The following ITIH5 variants were observed in gnomAD, a reference collection of about 807,000 sequenced individuals.
ITIH5 encodes the protein inter-alpha-trypsin inhibitor heavy chain 5.
ITIH5 carries 65 observed loss-of-function variants against 77.5 expected under a neutral mutation model. That is an observed-to-expected ratio of 0.84 (90% CI 0.69 to 1.03). ITIH5 has a LOEUF of 1.03. ITIH5 is among the 50% of genes least tolerant of loss of function. The probability of loss-of-function intolerance (pLI) is 0.00; values close to 1 mark genes in which losing one functional copy is unlikely to be tolerated. For missense variants in ITIH5, 1,208 were observed against 1,213.1 expected, an observed-to-expected ratio of 1.00 and a Z score of 0.06; for synonymous variants, 525 against 494.3, an observed-to-expected ratio of 1.06 and a Z score of -0.82.
chr10:7,589,026 G>A (rs1007269412), intron 7 of ITIH5, among the ~76,000 whole-genome samples: 1 of 152,260 alleles, frequency 6.6e-6, no homozygotes, highest in African/African-American at 2.4e-5. Context: ...GCTCAGAGCT[G>A]TCACCCTTTT....
chr10:7,639,603 A>G (rs144663799), intron 4 of ITIH5, among the ~76,000 whole-genome samples: 1,708 of 152,334 alleles, frequency 0.011, 21 homozygotes, highest in Non-Finnish European at 0.015. Flanking sequence ...CCGGGTTACC[A>G]GGTTCACACC....
chr10:7,628,684 C>CGTGTATCCTTGTTGTAGT (rs1833632483), intron 5 of ITIH5, among the ~76,000 whole-genome samples: 1 of 123,744 alleles, frequency 8.1e-6, no homozygotes, highest in African/African-American at 2.6e-5. Flanking sequence ...CATGTTGTAG[C>CGTGTATCCTTGTTGTAGT]GTGTGTCCAT....
At chr10:7,648,690 C>T (rs1834044503) in intron 2 of ITIH5, among the ~76,000 whole-genome samples, 1 of 152,082 alleles carries the variant, frequency 6.6e-6, no homozygotes, top group Non-Finnish European at 1.5e-5. Context: ...ACTTAGTATG[C>T]TTGAGAATAT....
At position 7,576,602 on chromosome 10, in the gene ITIH5, A is replaced by G; in HGVS notation, c.1829T>C (p.Val610Ala). 1 of 1,613,742 alleles carries G rather than the reference A, an allele frequency of 6.2e-7. No homozygotes were observed. The change falls in exon 10 of 14, where the codon GTG becomes GCG. Residue 610 changes from valine (V) to alanine (A), a missense_variant. Transcript: ENST00000397146. ...GAAGGGAGTGAGGAAGCGGTAGCTCACAGCCAGGGCCTGGGCCCGCTGCCG... is the reference window on the plus strand; with the variant it reads ...GAAGGGAGTGAGGAAGCGGTAGCTCGCAGCCAGGGCCTGGGCCCGCTGCCG... Reference protein sequence around the residue: ...RLRQRAQALAVSYRFLTPFTS... With the variant: ...RLRQRAQALAASYRFLTPFTS...
At chr10:7,599,641 C>G (rs1219081588) in intron 7 of ITIH5, among the ~76,000 whole-genome samples, 1 of 152,172 alleles carries the variant, frequency 6.6e-6, no homozygotes, top group Non-Finnish European at 1.5e-5. Flanking sequence ...TTTGGTCCAT[C>G]CTACACCTCT....
At chr10:7,629,330 AGCG>A in intron 5 of ITIH5, among the ~76,000 whole-genome samples, 8 of 80,268 alleles carry the variant, frequency 1.0e-4, no homozygotes, top group African/African-American at 4.7e-4. Flanking sequence ...CCCATGTTGT[AGCG>A]TGTGCCCATG....
intron 5 of ITIH5, 24 bp downstream of exon 5, chr10:7,637,204 A>G: frequency 6.3e-7 from 1 of 1,597,742 alleles, no homozygotes; most frequent in Non-Finnish European, 8.5e-7. Flanking sequence ...ACAGATCTGC[A>G]CGAACCCAGC....
intron 2 of ITIH5, among the ~76,000 whole-genome samples, chr10:7,644,863 C>CATATATATCACAT (rs374497716): frequency 1.9e-4 from 22 of 117,376 alleles, no homozygotes; most frequent in African/African-American, 4.7e-4. Flanking sequence ...ATATGTATCA[C>CATATATATCACAT]ATATATATCA....
intron 7 of ITIH5, among the ~76,000 whole-genome samples, chr10:7,611,393 T>C (rs542891786): frequency 6.6e-6 from 1 of 152,252 alleles, no homozygotes; most frequent in East Asian, 1.9e-4. Context: ...CCTAATTTAG[T>C]TCATTAGTTT....
chr10:7,632,133 T>G (rs1833723390), intron 5 of ITIH5, among the ~76,000 whole-genome samples: 1 of 152,174 alleles, frequency 6.6e-6, no homozygotes. Flanking sequence ...CTTCTGTAGG[T>G]CAAGATTTTG....
At chr10:7,621,888 G>A (rs1313576722) in intron 5 of ITIH5, 2 of 152,132 alleles carry the variant, frequency 1.3e-5, no homozygotes, top group African/African-American at 2.4e-5. Flanking sequence ...AATGAAGACC[G>A]CAAGGAAAGA....
At chr10:7,645,182 G>T (rs768161378) in intron 2 of ITIH5, among the ~76,000 whole-genome samples, 1 of 151,928 alleles carries the variant, frequency 6.6e-6, no homozygotes, top group Non-Finnish European at 1.5e-5. Context: ...ACGTTAGGGG[G>T]ATGTGCATCT....
chr10:7,563,584 C>T (rs990869862), intron 13 of ITIH5, among the ~76,000 whole-genome samples, 200 bp from the exon 14 acceptor site: 5 of 152,212 alleles, frequency 3.3e-5, no homozygotes, highest in Non-Finnish European at 7.3e-5. Flanking sequence ...GTGGGATTTA[C>T]CCATGACTGC....
At position 7,576,729 on chromosome 10, in the gene ITIH5, C is replaced by T. The variant is rs773374550; in HGVS notation, c.1702G>A (p.Gly568Arg). ...AGACGCTCGATGTGGTTGGTGTCCCCCTCTCCATCGCCTCCAGGCCTGGGG... is the reference window on the plus strand; with the variant it reads ...AGACGCTCGATGTGGTTGGTGTCCCTCTCTCCATCGCCTCCAGGCCTGGGG... ...GSPRPGGDGE[G>R]DTNHIERLWS... The change falls in exon 10 of 14, where the codon GGG becomes AGG. Residue 568 changes from glycine (G) to arginine (R), a missense_variant. Physicochemically the swap from Gly to Arg is moderately radical, Grantham distance 125 (BLOSUM62 -2). Transcript: ENST00000397146. 6 of 1,613,866 alleles carry T rather than the reference C, an allele frequency of 3.7e-6. No homozygotes were observed. Among genetic ancestry groups the T allele is most frequent in the Non-Finnish European group, 4.2e-6 (5 of 1,179,958 alleles).
At position 7,644,634 on chromosome 10, in the gene ITIH5, A is replaced by G. The variant is rs927329886; in HGVS notation, c.136-2544T>C. Among the ~76,000 whole-genome samples, 129 of 76,446 alleles carry G rather than the reference A, an allele frequency of 1.7e-3. 3 individuals are homozygous for G. Among genetic ancestry groups the G allele is most frequent in the African/African-American group, 5.7e-3 (128 of 22,614 alleles). 50.2% of individuals were successfully genotyped at this position (76,446 alleles called of 152,430 possible). On this transcript the variant is annotated intron_variant, in intron 2 of 13. Transcript: ENST00000397146. ...ATATCACATATATATCACATATATC[A>G]CATATATATCATATATATCACATAT...
chr10:7,663,480 T>G (rs922312879), intron 1 of ITIH5, among the ~76,000 whole-genome samples: 1 of 152,226 alleles, frequency 6.6e-6, no homozygotes, highest in African/African-American at 2.4e-5. Context: ...ACCTCACTTG[T>G]GCAAGCCCCT....
At chr10:7,563,929 G>A (rs1370707465) in intron 13 of ITIH5, among the ~76,000 whole-genome samples, 3 of 152,262 alleles carry the variant, frequency 2.0e-5, no homozygotes, top group Non-Finnish European at 4.4e-5. Context: ...CACGAAACGC[G>A]GCCAGCTCAA....
Position 7,637,322 on chromosome 10 carries a change from G to A in ITIH5, c.558C>T (p.Ser186=), listed in dbSNP as rs1386963394. Residue 186 remains serine (S), a synonymous_variant, in exon 5 of 14, where the codon AGC becomes AGT. Transcript: ENST00000397146. ...CGCTCTCCAGGATATTCACGTCCAC[G>A]CTCAGCCTCCCGGACAGCTGCTGGG... ...VRPQQLSGRL[S]VDVNILESAG... is the part of the protein sequence containing the mutation. 1.1e-5 allele frequency: 18 copies of A among 1,613,902 alleles called. No individual in the cohort carries two copies. The highest frequency in any genetic ancestry group is 1.4e-5 in the Non-Finnish European group (17 of 1,180,030).
intron 2 of ITIH5, among the ~76,000 whole-genome samples, chr10:7,651,471 T>A (rs1193707625): frequency 1.3e-5 from 2 of 151,902 alleles, no homozygotes; most frequent in Non-Finnish European, 2.9e-5. Flanking sequence ...TAATCCCAGG[T>A]ACTCGGGAGG....
Sources: gnomAD v4.1 joint callset for allele counts (sites outside exome capture counted in the v4.1 genomes callset) on GRCh38, gnomAD v4.1.1 for gene constraint, MANE v1.5 for transcripts, NCBI Gene and HGNC (gene_info 2026-07-23, HGNC 2026-07-21) for gene names.